Variants in CUX1 observed in about 807,000 individuals in gnomAD.
The protein encoded by CUX1 is protein CASP.
In CUX1, 31 loss-of-function variants were observed where a neutral mutation model predicts 158.8. The ratio of observed to expected loss-of-function variants is 0.20; its 90% CI spans 0.15 to 0.26. CUX1 has a LOEUF of 0.26. Among genes scored for constraint, CUX1 ranks in the 10% least tolerant of loss-of-function variants. CUX1 has a pLI of 1.00. For missense variants in CUX1, 1,589 were observed against 2,014.6 expected, an observed-to-expected ratio of 0.79 and a Z score of 4.04; for synonymous variants, 879 against 862.1, an observed-to-expected ratio of 1.02 and a Z score of -0.34.
rs554999245 is a variant in CUX1, at chr7:101,997,179, G to A, written c.142-30919G>A. Among the ~76,000 whole-genome samples, 182 of 151,934 alleles carry A rather than the reference G, an allele frequency of 1.2e-3. 1 individual carries two copies. Among genetic ancestry groups the A allele is most frequent in the African/African-American group, 4.3e-3 (177 of 41,214 alleles). ...CCCTTGCACACACTAGCTGTGGACC[G>A]AAGACAAATCAGGTTCTCCCCGTCC... On this transcript the variant is annotated intron_variant, in intron 2 of 23. Transcript: ENST00000292535.
In CUX1 at chr7:102,137,867, A is replaced by C. The variant is rs190916224; in HGVS notation, c.675-20693A>C. On this transcript the variant is annotated intron_variant, in intron 8 of 23. Transcript: ENST00000292535. ...ATAATATTGATTAGTCTGGCTTCAAACCTTACCTTAATTAGCCTTAAAAAA... is the reference window on the plus strand; with the variant it reads ...ATAATATTGATTAGTCTGGCTTCAACCCTTACCTTAATTAGCCTTAAAAAA... 4.8e-4 allele frequency among the ~76,000 whole-genome samples: 73 copies of C among 152,024 alleles called. 1 individual carries two copies. The East Asian group carries it at 0.011, about 23-fold the overall frequency.
chr7:102,043,655 A>G (rs1380249533), intron 3 of CUX1, among the ~76,000 whole-genome samples: 1 of 152,046 alleles, frequency 6.6e-6, no homozygotes, highest in Non-Finnish European at 1.5e-5. Context: ...GTCTGTTTCC[A>G]TATCTTTCTA....
intron 1 of CUX1, among the ~76,000 whole-genome samples, chr7:101,857,212 G>A (rs187218588): frequency 2.6e-5 from 4 of 152,344 alleles, no homozygotes; most frequent in Non-Finnish European, 2.9e-5. Flanking sequence ...TCTGATTGGG[G>A]GCTGTGCTTG....
intron 3 of CUX1, among the ~76,000 whole-genome samples, chr7:102,061,763 A>G (rs1824905187): frequency 6.6e-6 from 1 of 152,178 alleles, no homozygotes; most frequent in African/African-American, 2.4e-5. Context: ...GGCCGGTCAC[A>G]GTGGCTCATG....
At chr7:102,118,030 TC>T (rs1444681320) in intron 8 of CUX1, among the ~76,000 whole-genome samples, 2 of 152,236 alleles carry the variant, frequency 1.3e-5, no homozygotes, top group African/African-American at 2.4e-5. Context: ...GGCCATGGGC[TC>T]ATTCTGAGAC....
intron 3 of CUX1, among the ~76,000 whole-genome samples, chr7:102,054,309 T>C (rs1213871005): frequency 6.6e-6 from 1 of 152,232 alleles, no homozygotes; most frequent in Non-Finnish European, 1.5e-5. Context: ...TTTTGGTCTT[T>C]GATTTATTTT....
chr7:102,070,245 AC>A, intron 3 of CUX1, 93 bp from the exon 4 acceptor site: 1 of 1,055,504 alleles, frequency 9.5e-7, no homozygotes, highest in South Asian at 1.4e-5. Flanking sequence ...CTCCCTTGCT[AC>A]GGGAATTCAC....
At chr7:102,136,512 C>T (rs782293982) in intron 8 of CUX1, among the ~76,000 whole-genome samples, 7 of 152,086 alleles carry the variant, frequency 4.6e-5, no homozygotes, top group South Asian at 2.1e-4. Flanking sequence ...CTGCCTCAGC[C>T]TCCCCAATAG....
In CUX1 at chr7:102,257,089, G is replaced by A. The variant is rs1563505705; in HGVS notation, c.*8047G>A. The stretch of plus-strand genomic sequence containing the variant: ...GACACCCAGTTGTTGCCAATCAGGT[G>A]TGAAGGTGAGGCGCCCTGCCTTGAT... On this transcript the variant is annotated 3_prime_UTR_variant, in exon 24 of 24. Coordinates refer to ENST00000292535, the MANE Select transcript of CUX1 (RefSeq NM_181552.4). The A allele has an allele frequency of 9.1e-6, 9 of 985,260 alleles. No homozygotes were observed. The highest frequency in any genetic ancestry group is 1.1e-5 in the Non-Finnish European group (9 of 829,968). 61.0% of individuals were successfully genotyped at this position (985,260 alleles called of 1,614,324 possible).
chr7:102,190,851 C>G (rs1794196240), intron 12 of CUX1, among the ~76,000 whole-genome samples: 1 of 152,294 alleles, frequency 6.6e-6, no homozygotes, highest in South Asian at 2.1e-4. Flanking sequence ...CCCCCTCTGC[C>G]TAGACCTTGA....
chr7:102,245,835 C>T (rs1441613695), intron 23 of CUX1, among the ~76,000 whole-genome samples: 4 of 151,814 alleles, frequency 2.6e-5, no homozygotes, highest in African/African-American at 9.7e-5. Context: ...AGCCAGTTGT[C>T]GTGGCACGTA....
At chr7:102,041,200 A>G (rs1176052520) in intron 3 of CUX1, among the ~76,000 whole-genome samples, 2 of 149,524 alleles carry the variant, frequency 1.3e-5, no homozygotes, top group African/African-American at 4.9e-5. Context: ...GGAGGTTGAA[A>G]CAGGAGAATT....
intron 2 of CUX1, among the ~76,000 whole-genome samples, chr7:102,009,641 G>A (rs140077205): frequency 1.2e-3 from 178 of 152,288 alleles, no homozygotes; most frequent in African/African-American, 4.1e-3. Context: ...TCAGGCCCAC[G>A]CCAGGTCTTA....
At chr7:101,820,846 G>T (rs1792388175) in intron 1 of CUX1, among the ~76,000 whole-genome samples, 1 of 152,170 alleles carries the variant, frequency 6.6e-6, no homozygotes, top group Non-Finnish European at 1.5e-5. Context: ...GGAATTCTTG[G>T]AATCCCATGT....
At chr7:101,948,162 C>T (rs1026089777) in intron 2 of CUX1, among the ~76,000 whole-genome samples, 2 of 152,224 alleles carry the variant, frequency 1.3e-5, no homozygotes, top group Admixed American at 6.5e-5. Context: ...GTAATGCCCA[C>T]TTCACAGCTT....
At chr7:101,995,654 G>A (rs1815755352) in intron 2 of CUX1, among the ~76,000 whole-genome samples, 1 of 152,104 alleles carries the variant, frequency 6.6e-6, no homozygotes, top group African/African-American at 2.4e-5. Context: ...AGAGTTACTC[G>A]TCCAAAACTG....
intron 2 of CUX1, among the ~76,000 whole-genome samples, chr7:101,986,083 T>A (rs1412539105): frequency 6.6e-6 from 1 of 152,238 alleles, no homozygotes; most frequent in African/African-American, 2.4e-5. Flanking sequence ...GTTGTTAAGC[T>A]GGTGAAATTT....
chr7:102,240,449 G>C (rs1219956677), intron 23 of CUX1, among the ~76,000 whole-genome samples: 3 of 151,782 alleles, frequency 2.0e-5, no homozygotes, highest in Non-Finnish European at 4.4e-5. Flanking sequence ...TAGAGACAGG[G>C]GTCTCGCTCT....
chr7:102,197,447 G>A (rs1200681945), intron 15 of CUX1, 142 bp downstream of exon 15: 15 of 1,036,182 alleles, frequency 1.4e-5, no homozygotes, highest in Non-Finnish European at 1.7e-5. Context: ...CTTCTGCCAC[G>A]TCCAGAGCTC....
Sources: allele counts gnomAD v4.1 joint callset (sites outside exome capture counted in the v4.1 genomes callset), GRCh38; gene constraint gnomAD v4.1.1; transcripts MANE v1.5; gene names NCBI Gene and HGNC (gene_info 2026-07-23, HGNC 2026-07-21).